The following ARHGAP31 variants were observed in gnomAD, a reference collection of about 807,000 sequenced individuals.
ARHGAP31 encodes rho GTPase-activating protein 31.
Under a neutral mutation model 113.9 loss-of-function variants are expected in ARHGAP31, and 34 were observed. The ratio of observed to expected loss-of-function variants is 0.30; its 90% CI spans 0.23 to 0.40. The LOEUF is 0.40. ARHGAP31 is among the 10% of genes least tolerant of loss of function. ARHGAP31 has a pLI of 1.00. For synonymous variants in ARHGAP31, 650 were observed against 684.8 expected (o/e 0.95, Z 0.79); for missense variants, 1,548 against 1,767.1 (o/e 0.88, Z 2.22).
chr3:119,295,016 T>C lies in ARHGAP31; in HGVS notation c.100+12T>C, dbSNP rs749453422. The C allele has an allele frequency of 6.2e-7, 1 of 1,613,402 alleles. No homozygotes were observed. The highest frequency in any genetic ancestry group is 8.5e-7 in the Non-Finnish European group (1 of 1,179,392). ...CTCGGGACAGGATGGTAATGTGCCT[T>C]GGCCTTTCTCCCCCGCCCCCACCTT... On this transcript the variant is annotated intron_variant, in intron 1 of 11. Transcript: ENST00000264245.
At chr3:119,295,284 CAG>C (rs1361091704) in intron 1 of ARHGAP31, among the ~76,000 whole-genome samples, 6 of 151,836 alleles carry the variant, frequency 4.0e-5, no homozygotes, top group African/African-American at 9.7e-5. Context: ...CGGGCCACCT[CAG>C]GGGATGGGGG....
At position 119,420,704 on chromosome 3, in the gene ARHGAP31, T is replaced by C. The variant is rs1390133314; in HGVS notation, c.*4440T>C. The C allele has an allele frequency of 6.6e-6, 1 of 152,178 alleles. No individual in the cohort carries two copies. Among genetic ancestry groups the C allele is most frequent in the Non-Finnish European group, 1.5e-5 (1 of 68,028 alleles). The allele number at this position is 152,178 out of a possible 1,614,324, so 9.4% of individuals were successfully genotyped here. A position where few individuals can be genotyped will look rare whatever the true frequency, so the allele number is the denominator to read the frequency against. On this transcript the variant is annotated 3_prime_UTR_variant, in exon 12 of 12. Transcript: ENST00000264245. ...TTATAATTCTGCAAAGTAAAGCACT[T>C]TTTCAAAGGAGTCTATTGGAAAGCC...
At chr3:119,317,201 C>T (rs572328611) in intron 1 of ARHGAP31, among the ~76,000 whole-genome samples, 2 of 148,058 alleles carry the variant, frequency 1.4e-5, no homozygotes, top group African/African-American at 2.5e-5. Flanking sequence ...TTTTTTGAGA[C>T]GGAGTCTCGC....
chr3:119,332,590 TTC>T (rs1303448021), intron 1 of ARHGAP31, among the ~76,000 whole-genome samples: 1 of 85,836 alleles, frequency 1.2e-5, no homozygotes, highest in Non-Finnish European at 2.7e-5. Context: ...AGGGATCTCT[TTC>T]TCTCTCTCTC....
chr3:119,322,234 CAA>C (rs993447679), intron 1 of ARHGAP31, among the ~76,000 whole-genome samples: 6 of 152,180 alleles, frequency 3.9e-5, no homozygotes, highest in African/African-American at 1.4e-4. Flanking sequence ...CAAACTTTGG[CAA>C]AGACAAGAAG....
intron 1 of ARHGAP31, among the ~76,000 whole-genome samples, chr3:119,313,770 G>C (rs1348334892): frequency 1.3e-5 from 2 of 152,338 alleles, no homozygotes; most frequent in Admixed American, 6.5e-5. Flanking sequence ...CCCAAGAAGA[G>C]TGGCAAAAGC....
chr3:119,308,570 C>T (rs2079650952), intron 1 of ARHGAP31, among the ~76,000 whole-genome samples: 1 of 152,212 alleles, frequency 6.6e-6, no homozygotes, highest in Admixed American at 6.5e-5. Flanking sequence ...AGCTTCTCTG[C>T]TTTCAATGAC....
chr3:119,397,420 C>T (rs1156876462), intron 8 of ARHGAP31, among the ~76,000 whole-genome samples: 1 of 152,224 alleles, frequency 6.6e-6, no homozygotes, highest in African/African-American at 2.4e-5. Context: ...AGAAATACAG[C>T]TCCTGGAAAA....
intron 10 of ARHGAP31, 81 bp from the exon 11 acceptor site, chr3:119,409,415 A>T: frequency 6.5e-7 from 1 of 1,535,366 alleles, no homozygotes; most frequent in Non-Finnish European, 9.0e-7. Flanking sequence ...CAGGGCCAGG[A>T]GACAGGACAG....
intron 6 of ARHGAP31, among the ~76,000 whole-genome samples, chr3:119,387,567 A>C (rs181748735): frequency 1.3e-5 from 2 of 152,214 alleles, no homozygotes; most frequent in Non-Finnish European, 2.9e-5. Flanking sequence ...CTATTTTAAC[A>C]TATGAATTTT....
chr3:119,333,598 A>G (rs545009363), intron 1 of ARHGAP31, among the ~76,000 whole-genome samples: 37 of 152,334 alleles, frequency 2.4e-4, no homozygotes, highest in African/African-American at 7.7e-4. Flanking sequence ...AGCACTCTGC[A>G]GCCTTTGTAA....
chr3:119,377,136 T>A (rs1427750234), intron 3 of ARHGAP31, among the ~76,000 whole-genome samples: 1 of 152,196 alleles, frequency 6.6e-6, no homozygotes. Context: ...CATTCAACAG[T>A]GTTTATTGGG....
At chr3:119,413,586 T>C (rs906082802) in intron 11 of ARHGAP31, among the ~76,000 whole-genome samples, 1 of 152,216 alleles carries the variant, frequency 6.6e-6, no homozygotes, top group African/African-American at 2.4e-5. Context: ...TTTAATCTAT[T>C]TGAACCTACA....
chr3:119,356,975 C>T (rs1335561187), intron 1 of ARHGAP31, among the ~76,000 whole-genome samples: 1 of 152,196 alleles, frequency 6.6e-6, no homozygotes, highest in Non-Finnish European at 1.5e-5. Flanking sequence ...TGTCAAATTG[C>T]CCTCCAGAGG....
At chr3:119,298,682 G>A (rs1312690340) in intron 1 of ARHGAP31, 1 of 152,930 alleles carries the variant, frequency 6.5e-6, no homozygotes, top group African/African-American at 2.4e-5. Context: ...AGAAAAGAAG[G>A]GGCGACGATT....
chr3:119,325,378 G>A (rs895867770), intron 1 of ARHGAP31, among the ~76,000 whole-genome samples: 1 of 152,154 alleles, frequency 6.6e-6, no homozygotes, highest in Non-Finnish European at 1.5e-5. Flanking sequence ...TTCCCAAGAC[G>A]CTGTGACTCT....
rs1181294716 is a variant in ARHGAP31, at chr3:119,366,443, G to C, written c.203+1025G>C. On this transcript the variant is annotated intron_variant, in intron 2 of 11. Coordinates refer to ENST00000264245, the MANE Select transcript of ARHGAP31 (RefSeq NM_020754.4). ...TAGAGCATCTTTTTTTTTTCCTAGA[G>C]AAGTCATAGCTGTTAAAAAAAATAA... Among the ~76,000 whole-genome samples, 6 of 150,964 alleles carry C rather than the reference G, an allele frequency of 4.0e-5. No homozygotes were observed. The East Asian group carries it at 1.2e-3, about 29-fold the overall frequency.
intron 3 of ARHGAP31, among the ~76,000 whole-genome samples, chr3:119,379,555 C>T (rs1160882818): frequency 6.6e-6 from 1 of 152,126 alleles, no homozygotes; most frequent in African/African-American, 2.4e-5. Flanking sequence ...GTTAGGATCT[C>T]ATTTTGGGTT....
intron 10 of ARHGAP31, among the ~76,000 whole-genome samples, chr3:119,404,824 C>A (rs938863418): frequency 6.6e-6 from 1 of 152,164 alleles, no homozygotes; most frequent in Non-Finnish European, 1.5e-5. Context: ...TCAATGTAAT[C>A]ATCATGGTTG....
Sources: gnomAD v4.1 joint callset for allele counts (sites outside exome capture counted in the v4.1 genomes callset) on GRCh38, gnomAD v4.1.1 for gene constraint, MANE v1.5 for transcripts, NCBI Gene and HGNC (gene_info 2026-07-23, HGNC 2026-07-21) for gene names.